IFNGR1: variants seen among roughly 807,000 people sequenced by gnomAD.
The protein encoded by IFNGR1 is AVP, type 2.
Under a neutral mutation model 35.4 loss-of-function variants are expected in IFNGR1, and 23 were observed. That is an observed-to-expected ratio of 0.65 (90% CI 0.47 to 0.92). IFNGR1 has a LOEUF of 0.92. Among genes scored for constraint, IFNGR1 ranks in the 40% least tolerant of loss-of-function variants. The pLI is 0.00. For synonymous variants in IFNGR1, 199 were observed against 209.5 expected, an observed-to-expected ratio of 0.95 and a Z score of 0.43; for missense variants, 533 against 583.4, an observed-to-expected ratio of 0.91 and a Z score of 0.89.
At position 137,197,828 on chromosome 6, in the gene IFNGR1, T is replaced by TA; in HGVS notation, c.*202_*203insT. 4 of 582,612 alleles carry TA rather than the reference T, an allele frequency of 6.9e-6. No homozygotes were observed. Among genetic ancestry groups the TA allele is most frequent in the Non-Finnish European group, 8.7e-6 (3 of 343,912 alleles). 36.1% of individuals were successfully genotyped at this position (582,612 alleles called of 1,614,324 possible). ...TCATAAGTTACAATGCTTTTTTTGT[T>TA]TAAAAAAAAAAAAAAGTCTGTACTT... On this transcript the variant is annotated 3_prime_UTR_variant, in exon 7 of 7. Transcript: ENST00000367739.
rs755649097 is a variant in IFNGR1 at position 137,209,603 on chromosome 6, C to T, written c.86-2526G>A. 1.2e-4 allele frequency among the ~76,000 whole-genome samples: 18 copies of T among 152,310 alleles called. 1 individual carries two copies. In the South Asian group the frequency reaches 1.9e-3, roughly 16 times the overall value. ...CCGCCACCATGTAAGAAGTGCCTTTCGCCCTTGCTGTGATTCTGAGGCCTC... is the reference window on the plus strand; with the variant it reads ...CCGCCACCATGTAAGAAGTGCCTTTTGCCCTTGCTGTGATTCTGAGGCCTC... On this transcript the variant is annotated intron_variant, in intron 1 of 6. Coordinates refer to ENST00000367739, the MANE Select transcript of IFNGR1 (RefSeq NM_000416.3).
intron 3 of IFNGR1, among the ~76,000 whole-genome samples, chr6:137,205,710 A>G (rs1779412111): frequency 6.6e-6 from 1 of 152,150 alleles, no homozygotes; most frequent in Non-Finnish European, 1.5e-5. Flanking sequence ...CATGGCATAG[A>G]AGCAGCTAAG....
At position 137,206,456 on chromosome 6, in the gene IFNGR1, G is replaced by A. The variant is rs529832823; in HGVS notation, c.201-148C>T. 17 of 632,716 alleles carry A rather than the reference G, an allele frequency of 2.7e-5. No homozygotes were observed. The Admixed American group carries it at 4.7e-4, about 18-fold the overall frequency. 39.2% of individuals were successfully genotyped at this position (632,716 alleles called of 1,614,324 possible). On this transcript the variant is annotated intron_variant, in intron 2 of 6. Coordinates refer to ENST00000367739, the MANE Select transcript of IFNGR1 (RefSeq NM_000416.3). ...AGGATGGAGACGCCAGAGAAAGTAG[G>A]AAACCCTTACTCTTTAGTTAGAAGA...
intron 1 of IFNGR1, chr6:137,215,177 C>G: frequency 1.3e-6 from 2 of 1,490,128 alleles, no homozygotes; most frequent in Non-Finnish European, 1.8e-6. Context: ...AGTTACGTAA[C>G]TTGACAATAT....
At chr6:137,217,105 G>A (rs1438337988) in intron 1 of IFNGR1, among the ~76,000 whole-genome samples, 1 of 152,178 alleles carries the variant, frequency 6.6e-6, no homozygotes, top group Non-Finnish European at 1.5e-5. Flanking sequence ...CTCTTTCTCT[G>A]CTGACATCCA....
At chr6:137,199,264 A>G (rs1582628477) in intron 6 of IFNGR1, among the ~76,000 whole-genome samples, 1 of 134,832 alleles carries the variant, frequency 7.4e-6, no homozygotes, top group African/African-American at 2.7e-5. Flanking sequence ...AATACTAAAT[A>G]AACTCCCCTT....
At chr6:137,207,840 G>C (rs1779478829) in intron 1 of IFNGR1, among the ~76,000 whole-genome samples, 1 of 152,174 alleles carries the variant, frequency 6.6e-6, no homozygotes, top group Admixed American at 6.5e-5. Context: ...GGGCATTGCT[G>C]AAAAGATACA....
At position 137,200,841 on chromosome 6, in the gene IFNGR1, G is replaced by A. The variant is rs756539847; in HGVS notation, c.861+40C>T. The A allele has an allele frequency of 2.2e-5, 31 of 1,424,202 alleles. No individual in the cohort carries two copies. In the South Asian group the frequency reaches 3.6e-4, roughly 16 times the overall value. 88.2% of individuals were successfully genotyped at this position (1,424,202 alleles called of 1,614,324 possible). On this transcript the variant is annotated intron_variant, in intron 6 of 6. Transcript: ENST00000367739. ...TAAGAAACTATCAAAAAAGGTTCAA[G>A]TTAACTTTTTAGTGTATATAAAAAA...
chr6:137,198,435 C>T lies in IFNGR1; in HGVS notation c.1066G>A (p.Val356Met), dbSNP rs2114444211. The T allele has an allele frequency of 3.1e-6, 5 of 1,614,150 alleles. No homozygotes were observed. Among genetic ancestry groups the T allele is most frequent in the Non-Finnish European group, 4.2e-6 (5 of 1,180,028 alleles). Residue 356 changes from valine (V) to methionine (M), a missense_variant, in exon 7 of 7, where the codon GTG becomes ATG. Coordinates refer to ENST00000367739, the MANE Select transcript of IFNGR1 (RefSeq NM_000416.3). ...TCAGGAATATTTTCTTCAGTAGTCA[C>T]CACTTCTGTTATACTAGAAAGTTCT... ...TEELSSITEV[V>M]TTEENIPDVV...
rs1582626055 is a variant in IFNGR1, at chr6:137,197,705, A to T, written c.*326T>A. On this transcript the variant is annotated 3_prime_UTR_variant, in exon 7 of 7. Transcript: ENST00000367739. ...CAAGGCAGAGAAAAGAAAAAAAGTG[A>T]AGTGGCTACAAAGGTCCCTGGGGCA... The T allele has an allele frequency of 8.8e-6, 2 of 226,468 alleles. No homozygotes were observed. Among genetic ancestry groups the T allele is most frequent in the East Asian group, 2.2e-4 (2 of 9,280 alleles). 14.0% of individuals were successfully genotyped at this position (226,468 alleles called of 1,614,324 possible). A position where few individuals can be genotyped will look rare whatever the true frequency, so the allele number is the denominator to read the frequency against.
intron 3 of IFNGR1, among the ~76,000 whole-genome samples, chr6:137,204,866 G>A (rs1779393478): frequency 6.6e-6 from 1 of 152,096 alleles, no homozygotes; most frequent in African/African-American, 2.4e-5. Context: ...GGATTAAGAA[G>A]CCTGGATTCT....
At chr6:137,205,232 G>C (rs1032224622) in intron 3 of IFNGR1, among the ~76,000 whole-genome samples, 1 of 152,190 alleles carries the variant, frequency 6.6e-6, no homozygotes, top group African/African-American at 2.4e-5. Context: ...GCCTGTAGAA[G>C]AGACCGAGGT....
chr6:137,199,303 A>C (rs1009238084), intron 6 of IFNGR1, among the ~76,000 whole-genome samples: 1 of 134,214 alleles, frequency 7.5e-6, no homozygotes, highest in Admixed American at 9.0e-5. Flanking sequence ...AAATATAATT[A>C]ATATATATTA....
intron 1 of IFNGR1, among the ~76,000 whole-genome samples, chr6:137,208,600 T>C (rs903384416): frequency 6.6e-6 from 1 of 152,246 alleles, no homozygotes; most frequent in South Asian, 2.1e-4. Flanking sequence ...GTCACAAGCC[T>C]TGGCAGCTTC....
chr6:137,208,382 A>T (rs1779495714), intron 1 of IFNGR1, among the ~76,000 whole-genome samples: 1 of 152,242 alleles, frequency 6.6e-6, no homozygotes, highest in Admixed American at 6.5e-5. Flanking sequence ...GCCATCGAGA[A>T]AATGTCTCCA....
At chr6:137,212,035 TG>T (rs1779586441) in intron 1 of IFNGR1, among the ~76,000 whole-genome samples, 1 of 152,158 alleles carries the variant, frequency 6.6e-6, no homozygotes, top group African/African-American at 2.4e-5. Flanking sequence ...TTCCCATGAT[TG>T]AGCAAAGTCT....
intron 1 of IFNGR1, among the ~76,000 whole-genome samples, chr6:137,210,967 T>G (rs1779561575): frequency 6.6e-6 from 1 of 152,186 alleles, no homozygotes; most frequent in South Asian, 2.1e-4. Context: ...TAATGGACAA[T>G]TAAATGCTAT....
Position 137,198,049 on chromosome 6 carries a change from A to G in IFNGR1, c.1452T>C (p.Asp484=), listed in dbSNP as rs1211563411. 3 of 1,613,988 alleles carry G rather than the reference A, an allele frequency of 1.9e-6. No individual in the cohort carries two copies. The highest frequency in any genetic ancestry group is 2.2e-5 in the East Asian group (1 of 44,898). ...GCTGATCTCATGAAAATTCTTTGGA[A>G]TCTTCTGTTGGTCTATAACCAATCA... The part of the protein sequence containing the change: ...ESLIGYRPTE[D]SKEFS Residue 484 remains aspartate, a synonymous_variant, in exon 7 of 7, where the codon GAT becomes GAC. Coordinates refer to ENST00000367739, the MANE Select transcript of IFNGR1 (RefSeq NM_000416.3).
At chr6:137,201,816 T>C (rs914492106) in intron 5 of IFNGR1, among the ~76,000 whole-genome samples, 6 of 152,202 alleles carry the variant, frequency 3.9e-5, no homozygotes, top group African/African-American at 1.4e-4. Flanking sequence ...CAGATGTACA[T>C]GCACACAGCA....
Sources: gnomAD v4.1 joint callset for allele counts (sites outside exome capture counted in the v4.1 genomes callset) on GRCh38, gnomAD v4.1.1 for gene constraint, MANE v1.5 for transcripts, NCBI Gene and HGNC (gene_info 2026-07-23, HGNC 2026-07-21) for gene names.